Variants in CFAP251 observed in about 807,000 individuals in gnomAD.
CFAP251 encodes cilia- and flagella-associated protein 251.
CFAP251 carries 93 observed loss-of-function variants against 126.7 expected under a neutral mutation model. The ratio of observed to expected loss-of-function variants is 0.73; its 90% CI spans 0.62 to 0.87. CFAP251 has a LOEUF of 0.87. Ranked by LOEUF, CFAP251 falls within the 40% of genes least tolerant of loss-of-function variation. The probability of loss-of-function intolerance (pLI) is 0.00; values close to 1 mark genes in which losing one functional copy is unlikely to be tolerated. For missense variants in CFAP251, 1,287 were observed against 1,389.2 expected (o/e 0.93, Z 1.17); for synonymous variants, 503 against 506.9 (o/e 0.99, Z 0.10).
At position 122,003,842 on chromosome 12, in the gene CFAP251, G is replaced by A; in HGVS notation, c.*78G>A. ...ATGTGTGTGTTTTCCATGAGGCACT[G>A]CTTTTTATGCATTTCCCTCCCCCCT... On this transcript the variant is annotated 3_prime_UTR_variant, in exon 22 of 22. Transcript: ENST00000288912. The A allele has an allele frequency of 9.5e-7, 1 of 1,051,012 alleles. No homozygotes were observed. Among genetic ancestry groups the A allele is most frequent in the Non-Finnish European group, 1.4e-6 (1 of 739,512 alleles). 65.1% of individuals were successfully genotyped at this position (1,051,012 alleles called of 1,614,324 possible).
Position 121,920,273 on chromosome 12 carries a change from G to C in CFAP251, c.-20-1013G>C, listed in dbSNP as rs191459772. On this transcript the variant is annotated intron_variant, in intron 1 of 21. Coordinates refer to ENST00000288912, the MANE Select transcript of CFAP251 (RefSeq NM_144668.6). ...GAGAGGGTCTCGCTCTGTTGCCCAG[G>C]CTGGACTGCAGTGGCATGATCTTGG... 7.2e-3 allele frequency among the ~76,000 whole-genome samples: 1,012 copies of C among 140,604 alleles called. 9 individuals carry two copies. Among genetic ancestry groups the C allele is most frequent in the African/African-American group, 0.026 (949 of 36,806 alleles). 92.2% of individuals were successfully genotyped at this position (140,604 alleles called of 152,430 possible).
chr12:122,000,570 A>G (rs1052684581), intron 20 of CFAP251, among the ~76,000 whole-genome samples: 10 of 150,322 alleles, frequency 6.7e-5, no homozygotes, highest in African/African-American at 1.5e-4. Flanking sequence ...AAGAAAGAAA[A>G]AAAGAAAAGA....
chr12:121,963,756 C>T (rs1043732059), intron 15 of CFAP251, among the ~76,000 whole-genome samples: 11 of 151,080 alleles, frequency 7.3e-5, no homozygotes, highest in African/African-American at 1.2e-4. Flanking sequence ...ATTCTCCCAC[C>T]GAGCTTCAGG....
rs1293022058 is a variant in CFAP251, at chr12:121,994,331, TG to T, written c.3007-5377del. 3.0e-4 allele frequency among the ~76,000 whole-genome samples: 12 copies of T among 40,412 alleles called. 1 individual carries two copies. In the South Asian group the frequency reaches 5.4e-3, roughly 18 times the overall value. 26.5% of individuals were successfully genotyped at this position (40,412 alleles called of 152,430 possible). A position where few individuals can be genotyped will look rare whatever the true frequency, so the allele number is the denominator to read the frequency against. On this transcript the variant is annotated intron_variant, in intron 19 of 21. Transcript: ENST00000288912. ...CCAGCCGCCCCGTCCGGGAGGGAGG[TG>T]GGGGGGGTCAGCCCCCCTGCCCGGC...
chr12:121,958,903 A>G (rs1881828996), intron 12 of CFAP251, 40 bp from the exon 13 acceptor site: 2 of 1,550,858 alleles, frequency 1.3e-6, no homozygotes, highest in Non-Finnish European at 8.7e-7. Flanking sequence ...TCTTGAATGA[A>G]TGTAATCCTT....
intron 7 of CFAP251, among the ~76,000 whole-genome samples, chr12:121,946,500 T>G (rs1181220029): frequency 6.6e-6 from 1 of 152,232 alleles, no homozygotes; most frequent in Non-Finnish European, 1.5e-5. Context: ...AAAAGTCAGC[T>G]GTCGATCCCT....
chr12:121,961,753 A>G (rs1881947262), intron 14 of CFAP251, among the ~76,000 whole-genome samples: 1 of 152,220 alleles, frequency 6.6e-6, no homozygotes, highest in Non-Finnish European at 1.5e-5. Flanking sequence ...AGCTGTTTTT[A>G]GAGCACTCAG....
intron 16 of CFAP251, among the ~76,000 whole-genome samples, chr12:121,967,515 A>T (rs945955194): frequency 6.6e-6 from 1 of 152,178 alleles, no homozygotes; most frequent in African/African-American, 2.4e-5. Flanking sequence ...ATCCTGGCTA[A>T]CACGGTGAAA....
chr12:121,951,247 A>G, intron 8 of CFAP251: 1 of 381,224 alleles, frequency 2.6e-6, no homozygotes, highest in Non-Finnish European at 4.8e-6. Flanking sequence ...ATAGAACTCC[A>G]TCTCAAGAAA....
At position 121,923,985 on chromosome 12, in the gene CFAP251, C is replaced by A; in HGVS notation, c.742C>A (p.Pro248Thr). 6.2e-7 allele frequency: 1 copy of A among 1,601,672 alleles called. No homozygotes were observed. The highest frequency in any genetic ancestry group is 1.4e-5 in the African/African-American group (1 of 72,958). Reference protein sequence around the residue: ...FQKDKSTPVYPLTMTWSFGWN... With the variant: ...FQKDKSTPVYTLTMTWSFGWN... ...AAAGGATAAAAGCACCCCGGTGTAT[C>A]CCTTGGTAAGTGTAATGCTTTTAAA... Residue 248 changes from proline to threonine, a missense_variant, in exon 3 of 22, where the codon CCC becomes ACC. By Grantham distance (38) the Pro-to-Thr change is conservative (BLOSUM62 -1). Transcript: ENST00000288912.
At chr12:122,002,756 C>T (rs1006252173) in intron 21 of CFAP251, among the ~76,000 whole-genome samples, 2 of 152,142 alleles carry the variant, frequency 1.3e-5, no homozygotes, top group Non-Finnish European at 2.9e-5. Context: ...CCAATCTAAA[C>T]GGCTCTTCTA....
At chr12:121,934,973 A>G (rs1437244363) in intron 5 of CFAP251, among the ~76,000 whole-genome samples, 1 of 152,164 alleles carries the variant, frequency 6.6e-6, no homozygotes, top group Non-Finnish European at 1.5e-5. Flanking sequence ...CACCTGGCTA[A>G]CTTACTTTTG....
At chr12:121,986,315 G>C (rs1011765704) in intron 19 of CFAP251, among the ~76,000 whole-genome samples, 2 of 92,662 alleles carry the variant, frequency 2.2e-5, no homozygotes, top group African/African-American at 8.4e-5. Flanking sequence ...TTTTTTTTTT[G>C]GAGACCGAGT....
chr12:121,993,976 G>T (rs1283848901), intron 19 of CFAP251, among the ~76,000 whole-genome samples: 9 of 85,570 alleles, frequency 1.1e-4, no homozygotes, highest in African/African-American at 2.5e-4. Flanking sequence ...GGGAGGTGGG[G>T]GGGTCAGCCC....
chr12:121,981,008 G>A (rs984029432), intron 19 of CFAP251, among the ~76,000 whole-genome samples: 3 of 152,204 alleles, frequency 2.0e-5, no homozygotes, highest in Non-Finnish European at 4.4e-5. Context: ...GGGTCTGTGC[G>A]GTGCCCAGCG....
intron 19 of CFAP251, among the ~76,000 whole-genome samples, chr12:121,984,292 ATTATTTAT>A (rs760778335): frequency 6.6e-6 from 1 of 151,984 alleles, no homozygotes; most frequent in South Asian, 2.1e-4. Flanking sequence ...CCTAGAAATC[ATTATTTAT>A]TTATTTATTT....
Position 121,999,883 on chromosome 12 carries a change from C to G in CFAP251, c.3174C>G (p.Thr1058=), listed in dbSNP as rs752240892. ...AGAGCTTTGAGGTGCTCGGTTATAC[C>G]AACTCCAAAGGGAAAAAGGCCATTC... ...IHKSFEVLGY[T]NSKGKKAIRR... The change falls in exon 20 of 22, where the codon ACC becomes ACG. Residue 1058 remains threonine, a synonymous_variant. Coordinates refer to ENST00000288912, the MANE Select transcript of CFAP251 (RefSeq NM_144668.6). 6.2e-7 allele frequency: 1 copy of G among 1,613,976 alleles called. No homozygotes were observed. Among genetic ancestry groups the G allele is most frequent in the African/African-American group, 1.3e-5 (1 of 74,912 alleles).
intron 19 of CFAP251, among the ~76,000 whole-genome samples, chr12:121,977,913 T>A (rs1487197813): frequency 2.2e-5 from 3 of 137,326 alleles, no homozygotes; most frequent in Admixed American, 2.2e-4. Context: ...GAGCCGAGAT[T>A]GCGCCACTGC....
chr12:121,955,271 G>C (rs1384677570), intron 10 of CFAP251, among the ~76,000 whole-genome samples: 1 of 152,148 alleles, frequency 6.6e-6, no homozygotes, highest in Non-Finnish European at 1.5e-5. Context: ...TCCAGTCTGG[G>C]CGACAGAGTG....
Sources: allele counts gnomAD v4.1 joint callset (sites outside exome capture counted in the v4.1 genomes callset), GRCh38; gene constraint gnomAD v4.1.1; transcripts MANE v1.5; gene names NCBI Gene and HGNC (gene_info 2026-07-23, HGNC 2026-07-21).